ASIC5: variants seen among roughly 807,000 people sequenced by gnomAD.
The protein encoded by ASIC5 is acid sensing ion channel subunit family member 5.
A neutral mutation model predicts 51.2 loss-of-function variants in ASIC5; 52 were observed. The observed-to-expected ratio is 1.02, with a 90% CI of 0.81 to 1.28. ASIC5 has a LOEUF of 1.28. ASIC5 is among the 50% of genes most tolerant of loss of function. The pLI, the probability that ASIC5 is intolerant of heterozygous loss-of-function variation, is 0.00. For synonymous variants in ASIC5, 231 were observed against 200.7 expected, an observed-to-expected ratio of 1.15 and a Z score of -1.28; for missense variants, 635 against 595.0, an observed-to-expected ratio of 1.07 and a Z score of -0.70.
intron 4 of ASIC5, among the ~76,000 whole-genome samples, chr4:155,850,696 C>T (rs1039789083): frequency 6.6e-6 from 1 of 151,956 alleles, no homozygotes; most frequent in African/African-American, 2.4e-5. Flanking sequence ...TGGCTGTTTT[C>T]TTTGACTCAT....
At chr4:155,846,276 C>T (rs1741240881) in intron 4 of ASIC5, among the ~76,000 whole-genome samples, 1 of 152,052 alleles carries the variant, frequency 6.6e-6, no homozygotes, top group Non-Finnish European at 1.5e-5. Flanking sequence ...TTCAACTTAT[C>T]CCTGCCAAAC....
chr4:155,843,664 C>G lies in ASIC5; in HGVS notation c.861+17G>C. 1 of 1,612,268 alleles carries G rather than the reference C, an allele frequency of 6.2e-7. No homozygotes were observed. The highest frequency in any genetic ancestry group is 8.5e-7 in the Non-Finnish European group (1 of 1,179,004). ...CATTCACTACCCCACCTAATTTCCT[C>G]AGACTCGAGTATTTACCTTCACTTG... On this transcript the variant is annotated intron_variant, in intron 5 of 9. Transcript: ENST00000537611.
At chr4:155,838,926 T>C in intron 6 of ASIC5, 57 bp from the exon 7 acceptor site, 2 of 971,984 alleles carry the variant, frequency 2.1e-6, no homozygotes, top group South Asian at 3.0e-5. Flanking sequence ...ATAAGTGATC[T>C]AATGACAAAA....
In ASIC5 at chr4:155,829,919, C is replaced by T. The variant is rs1471401589; in HGVS notation, c.1455G>A (p.Met485Ile). 1 of 1,607,112 alleles carries T rather than the reference C, an allele frequency of 6.2e-7. No individual in the cohort carries two copies. The highest frequency in any genetic ancestry group is 1.7e-5 in the Admixed American group (1 of 59,092). ...TCTGAGGTGGAGGAGTCCACTGGGT[C>T]ATTTCAGATATCTTCAGCAAAAAGA... ...CIFFLLKISE[M>I]TQWTPPPQNH... The change falls in exon 10 of 10, where the codon ATG becomes ATA. Residue 485 changes from methionine to isoleucine, a missense_variant. Physicochemically the swap from Met to Ile is conservative, Grantham distance 10 (BLOSUM62 1). Coordinates refer to ENST00000537611, the MANE Select transcript of ASIC5 (RefSeq NM_017419.3).
chr4:155,829,885 C>G lies in ASIC5; in HGVS notation c.1489G>C (p.Gly497Arg). Residue 497 changes from glycine (G) to arginine (R), a missense_variant, in exon 10 of 10, where the codon GGA becomes CGA. Physicochemically the swap from Gly to Arg is moderately radical, Grantham distance 125. Coordinates refer to ENST00000537611, the MANE Select transcript of ASIC5 (RefSeq NM_017419.3). ...QWTPPPQNHL[G>R]NKNRIEEC The stretch of plus-strand genomic sequence containing the variant: ...CACTCCTCTATCCTATTTTTATTTC[C>G]CAGATGATTCTGAGGTGGAGGAGTC... 1 of 1,588,910 alleles carries G rather than the reference C, an allele frequency of 6.3e-7. No homozygotes were observed. Among genetic ancestry groups the G allele is most frequent in the Non-Finnish European group, 8.5e-7 (1 of 1,170,356 alleles).
intron 4 of ASIC5, among the ~76,000 whole-genome samples, chr4:155,848,164 T>A (rs1227797936): frequency 1.3e-5 from 2 of 151,990 alleles, no homozygotes; most frequent in African/African-American, 4.8e-5. Flanking sequence ...TTTTTCTTTT[T>A]TTAAAAAAAA....
chr4:155,843,869 A>T (rs1484551834), intron 4 of ASIC5, 39 bp from the exon 5 acceptor site: 1 of 1,604,628 alleles, frequency 6.2e-7, no homozygotes, highest in Non-Finnish European at 8.5e-7. Context: ...TTGCAAATTG[A>T]CTATATCAGT....
Position 155,836,782 on chromosome 4 carries a change from T to C in ASIC5, c.1142A>G (p.Glu381Gly). The change falls in exon 8 of 10, where the codon GAA (glutamate) becomes GGA (glycine). Residue 381 changes from glutamate to glycine, a missense_variant. Coordinates refer to ENST00000537611, the MANE Select transcript of ASIC5 (RefSeq NM_017419.3). ...SSCPVSCEEI[E>G]YPATISYSSF... ...GGAATAAGAAATAGTGGCCGGGTAT[T>C]CTATTTCTTCACAAGAAACGGGGCA... is the stretch of plus-strand genomic sequence containing the variant. 4.4e-6 allele frequency: 7 copies of C among 1,604,292 alleles called. 1 individual carries two copies. Among genetic ancestry groups the C allele is most frequent in the East Asian group, 2.2e-5 (1 of 44,762 alleles).
intron 2 of ASIC5, 25 bp from the exon 3 acceptor site, chr4:155,854,339 G>T: frequency 7.0e-7 from 1 of 1,424,280 alleles, no homozygotes; most frequent in Non-Finnish European, 9.8e-7. Flanking sequence ...GAAGGCAATA[G>T]TTAGAATAAT....
intron 8 of ASIC5, among the ~76,000 whole-genome samples, chr4:155,833,549 A>G (rs1161300279): frequency 6.6e-6 from 1 of 152,238 alleles, no homozygotes; most frequent in Non-Finnish European, 1.5e-5. Flanking sequence ...TTACAGTAAT[A>G]TTTACAAATG....
At chr4:155,856,984 T>C (rs934104935) in intron 2 of ASIC5, among the ~76,000 whole-genome samples, 1 of 152,044 alleles carries the variant, frequency 6.6e-6, no homozygotes, top group African/African-American at 2.4e-5. Flanking sequence ...ACTAATAATA[T>C]TTGAGACCAT....
intron 5 of ASIC5, among the ~76,000 whole-genome samples, chr4:155,843,442 T>C (rs1015131161): frequency 7.2e-5 from 11 of 152,146 alleles, no homozygotes; most frequent in Admixed American, 2.6e-4. Flanking sequence ...TTAATGACCC[T>C]TTCCATTTCT....
At chr4:155,863,901 G>C (rs920087679) in intron 1 of ASIC5, 147 bp from the exon 2 acceptor site, 1 of 701,206 alleles carries the variant, frequency 1.4e-6, no homozygotes, top group Admixed American at 2.9e-5. Context: ...ATCTTTTGTT[G>C]CATGATTTAT....
chr4:155,857,373 C>G (rs1741571389), intron 2 of ASIC5, among the ~76,000 whole-genome samples: 1 of 152,008 alleles, frequency 6.6e-6, no homozygotes, highest in African/African-American at 2.4e-5. Context: ...ATCTGCCTAC[C>G]TTGGCCTCCC....
intron 9 of ASIC5, among the ~76,000 whole-genome samples, 193 bp from the exon 10 acceptor site, chr4:155,830,239 T>C (rs1740844811): frequency 6.6e-6 from 1 of 152,078 alleles, no homozygotes; most frequent in Non-Finnish European, 1.5e-5. Flanking sequence ...CAAATCATCA[T>C]AAAAAGCAGA....
intron 1 of ASIC5, among the ~76,000 whole-genome samples, chr4:155,865,737 G>A (rs1741846323): frequency 6.6e-6 from 1 of 151,926 alleles, no homozygotes; most frequent in East Asian, 1.9e-4. Context: ...ATTAAAATTG[G>A]TTGAATAAAT....
chr4:155,843,708 G>C lies in ASIC5; in HGVS notation c.834C>G (p.His278Gln), dbSNP rs771533226. 2 of 1,613,428 alleles carry C rather than the reference G, an allele frequency of 1.2e-6. No individual in the cohort carries two copies. The highest frequency in any genetic ancestry group is 1.7e-6 in the Non-Finnish European group (2 of 1,179,628). The change falls in exon 5 of 10, where the codon CAC (histidine) becomes CAG (glutamine). Residue 278 changes from histidine (H) to glutamine (Q), a missense_variant. His to Gln is a conservative substitution (Grantham distance 24). Coordinates refer to ENST00000537611, the MANE Select transcript of ASIC5 (RefSeq NM_017419.3). ...GLGLLSPVGM[H>Q]ARVTIRQVKT... ...TCACTTGGCGGATGGTTACCCTTGCGTGCATTCCCACAGGTGACAACAAGC... is the reference window on the plus strand; with the variant it reads ...TCACTTGGCGGATGGTTACCCTTGCCTGCATTCCCACAGGTGACAACAAGC...
At chr4:155,855,366 A>G (rs960175904) in intron 2 of ASIC5, 1 of 152,046 alleles carries the variant, frequency 6.6e-6, no homozygotes, top group African/African-American at 2.4e-5. Context: ...CATTCTGGCC[A>G]CCAAAGCAGA....
At chr4:155,857,323 CA>C (rs1741570079) in intron 2 of ASIC5, among the ~76,000 whole-genome samples, 1 of 151,976 alleles carries the variant, frequency 6.6e-6, no homozygotes, top group East Asian at 1.9e-4. Context: ...AGAGTTTTAC[CA>C]TGTTGCCTGG....
Sources: allele counts gnomAD v4.1 joint callset (sites outside exome capture counted in the v4.1 genomes callset), GRCh38; gene constraint gnomAD v4.1.1; transcripts MANE v1.5; gene names NCBI Gene and HGNC (gene_info 2026-07-23, HGNC 2026-07-21).